Variants in MICU3 observed in about 807,000 individuals in gnomAD.
MICU3 encodes the protein mitochondrial calcium uptake 3, also known as calcium uptake protein 3, mitochondrial.
MICU3 carries 62 observed loss-of-function variants against 66.5 expected under a neutral mutation model. That is an observed-to-expected ratio of 0.93 (90% CI 0.76 to 1.15). The LOEUF is 1.15. Ranked by LOEUF, MICU3 falls within the 50% of genes most tolerant of loss-of-function variation. The pLI is 0.00. For missense variants in MICU3, 779 were observed against 664.4 expected, an observed-to-expected ratio of 1.17 and a Z score of -1.90; for synonymous variants, 308 against 240.7, an observed-to-expected ratio of 1.28 and a Z score of -2.59.
At chr8:17,054,895 T>A (rs1816677988) in intron 1 of MICU3, among the ~76,000 whole-genome samples, 1 of 151,786 alleles carries the variant, frequency 6.6e-6, no homozygotes, top group African/African-American at 2.4e-5. Flanking sequence ...CCCGCCACCA[T>A]GCCCGGCTAA....
At chr8:17,137,319 T>C in the MICU3 span, among the ~76,000 whole-genome samples, 1 of 152,036 alleles carries the variant, frequency 6.6e-6, no homozygotes, top group African/African-American at 2.4e-5. Flanking sequence ...TTGCCCAATA[T>C]AAGCAGTAAA....
At chr8:17,064,523 C>G (rs1466072891) in intron 2 of MICU3, among the ~76,000 whole-genome samples, 1 of 152,108 alleles carries the variant, frequency 6.6e-6, no homozygotes, top group Non-Finnish European at 1.5e-5. Flanking sequence ...TATATCAAAC[C>G]TGAACAGAGT....
chr8:17,080,119 A>G (rs2150717202), intron 4 of MICU3, among the ~76,000 whole-genome samples: 1 of 152,178 alleles, frequency 6.6e-6, no homozygotes, highest in East Asian at 1.9e-4. Flanking sequence ...CGCCATAAAT[A>G]AATTGAAGAG....
In MICU3 at chr8:17,098,551, G is replaced by A. The variant is rs759465150; in HGVS notation, c.982G>A (p.Glu328Lys). 2 of 1,601,862 alleles carry A rather than the reference G, an allele frequency of 1.2e-6. No individual in the cohort carries two copies. Among genetic ancestry groups the A allele is most frequent in the Admixed American group, 3.3e-5 (2 of 59,778 alleles). Reference protein sequence around the residue: ...TSQALFSDLAERADDITSLVT... With the variant: ...TSQALFSDLAKRADDITSLVT... ...CCAAGCACTGTTTTCAGACCTCGCA[G>A]AGGTATAATTAAACCTCAACAAGGT... The change falls in exon 9 of 15, where the codon GAG (glutamate) becomes AAG (lysine). Residue 328 changes from glutamate (E) to lysine (K), a missense_variant and splice_region_variant. Transcript: ENST00000318063.
intron 1 of MICU3, among the ~76,000 whole-genome samples, chr8:17,038,666 G>A (rs142796801): frequency 3.9e-5 from 6 of 152,026 alleles, no homozygotes; most frequent in Non-Finnish European, 4.4e-5. Flanking sequence ...AGAGTCCGTC[G>A]ATGTGGCAGA....
chr8:17,066,544 T>TAG (rs1491234403), intron 2 of MICU3, among the ~76,000 whole-genome samples: 14 of 61,512 alleles, frequency 2.3e-4, no homozygotes, highest in East Asian at 7.8e-4. Flanking sequence ...TATATATAGA[T>TAG]TTTTTTTTTT....
chr8:17,087,042 ATACTT>A lies in MICU3; in HGVS notation c.849+10_849+14del, dbSNP rs1198121257. ...AGAAAAGCGTGCAATGCTGGTAAGA[ATACTT>A]TATAGTAGCTTTAGGTGGCTTTTGT... On this transcript the variant is annotated splice_region_variant and intron_variant, in intron 7 of 14. Coordinates refer to ENST00000318063, the MANE Select transcript of MICU3 (RefSeq NM_181723.3). The A allele has an allele frequency of 6.9e-6, 11 of 1,585,094 alleles. No individual in the cohort carries two copies. The highest frequency in any genetic ancestry group is 9.5e-6 in the Non-Finnish European group (11 of 1,155,736).
At chr8:17,116,231 T>C (rs1454257987) in intron 12 of MICU3, among the ~76,000 whole-genome samples, 2 of 152,224 alleles carry the variant, frequency 1.3e-5, no homozygotes, top group Non-Finnish European at 2.9e-5. Context: ...GTGAATGCAT[T>C]ATTAACCTAA....
chr8:17,034,843 A>G (rs1400312507), intron 1 of MICU3, among the ~76,000 whole-genome samples: 1 of 152,256 alleles, frequency 6.6e-6, no homozygotes, highest in Non-Finnish European at 1.5e-5. Flanking sequence ...AGATGCTGTG[A>G]ACATTGTTGA....
Position 17,104,508 on chromosome 8 carries a change from ATT to A in MICU3, c.1085+21_1085+22del, listed in dbSNP as rs763066305. On this transcript the variant is annotated intron_variant, in intron 10 of 14. Transcript: ENST00000318063. ...TTTTTATAGGTGAGCTTATTTTTAT[ATT>A]TTTATTAAAAATTATTAGCCTACTG... The A allele has an allele frequency of 3.1e-6, 4 of 1,296,120 alleles. No homozygotes were observed. The African/African-American group carries it at 4.5e-5, about 15-fold the overall frequency. 80.3% of individuals were successfully genotyped at this position (1,296,120 alleles called of 1,614,324 possible).
chr8:17,038,665 C>T (rs543649200), intron 1 of MICU3, among the ~76,000 whole-genome samples: 7 of 152,034 alleles, frequency 4.6e-5, no homozygotes, highest in Non-Finnish European at 8.8e-5. Flanking sequence ...AAGAGTCCGT[C>T]GATGTGGCAG....
At chr8:17,118,823 C>A in intron 14 of MICU3, 48 bp downstream of exon 14, 2 of 1,084,266 alleles carry the variant, frequency 1.8e-6, no homozygotes, top group South Asian at 2.8e-5. Context: ...CAATAGGGAT[C>A]ATAATTTATT....
intron 8 of MICU3, among the ~76,000 whole-genome samples, chr8:17,093,536 CTAA>C (rs2150772016): frequency 6.6e-6 from 1 of 152,018 alleles, no homozygotes; most frequent in South Asian, 2.1e-4. Context: ...TCTGTCATTA[CTAA>C]TGTTTTTGTC....
chr8:17,069,104 C>T (rs566421043), intron 2 of MICU3, among the ~76,000 whole-genome samples: 40 of 152,250 alleles, frequency 2.6e-4, no homozygotes, highest in Middle Eastern at 3.4e-3. Flanking sequence ...CTGTAACACT[C>T]TTACTCCAGT....
At position 17,120,840 on chromosome 8, in the gene MICU3, A is replaced by G. The variant is rs1015444374; in HGVS notation, c.*553A>G. The G allele has an allele frequency of 9.8e-5, 15 of 152,510 alleles. No individual in the cohort carries two copies. The highest frequency in any genetic ancestry group is 3.9e-4 in the Admixed American group (6 of 15,270). 9.4% of individuals were successfully genotyped at this position (152,510 alleles called of 1,614,324 possible). A position where few individuals can be genotyped will look rare whatever the true frequency, so the allele number is the denominator to read the frequency against. ...AAAGAAATAGAAATTAAGCTACTAT[A>G]TAAAACAATTGTTTACGTGTACTTT... is the stretch of plus-strand genomic sequence containing the variant. On this transcript the variant is annotated 3_prime_UTR_variant, in exon 15 of 15. Transcript: ENST00000318063.
At chr8:17,044,964 G>T (rs1814808904) in intron 1 of MICU3, among the ~76,000 whole-genome samples, 1 of 151,768 alleles carries the variant, frequency 6.6e-6, no homozygotes, top group Admixed American at 6.6e-5. Flanking sequence ...CCAAAACTTG[G>T]TCAAGTGGCC....
rs1265867874 is a variant in MICU3, at chr8:17,085,399, AC to A, written c.777+82del. 5 of 838,330 alleles carry A rather than the reference AC, an allele frequency of 6.0e-6. No homozygotes were observed. The African/African-American group carries it at 8.7e-5, about 15-fold the overall frequency. 51.9% of individuals were successfully genotyped at this position (838,330 alleles called of 1,614,324 possible). ...TTTATGTTTTTGCCTTATTGGGAGT[AC>A]TACTGTAGAGAAAAGAGTGAAAAAC... On this transcript the variant is annotated intron_variant, in intron 6 of 14. Coordinates refer to ENST00000318063, the MANE Select transcript of MICU3 (RefSeq NM_181723.3).
intron 14 of MICU3, 92 bp from the exon 15 acceptor site, chr8:17,120,196 G>A (rs758250440): frequency 2.2e-5 from 3 of 139,378 alleles, no homozygotes; most frequent in Non-Finnish European, 3.1e-5. Context: ...AATTCCTTAC[G>A]TTTCATATTA....
intron 8 of MICU3, among the ~76,000 whole-genome samples, chr8:17,094,427 A>G (rs966512354): frequency 6.6e-6 from 1 of 152,078 alleles, no homozygotes; most frequent in South Asian, 2.1e-4. Flanking sequence ...CTCATATGTT[A>G]ACATAAACAT....
Sources: gnomAD v4.1 joint callset for allele counts (sites outside exome capture counted in the v4.1 genomes callset) on GRCh38, gnomAD v4.1.1 for gene constraint, MANE v1.5 for transcripts, NCBI Gene and HGNC (gene_info 2026-07-23, HGNC 2026-07-21) for gene names.